HSDL2: variants seen among roughly 807,000 people sequenced by gnomAD.
HSDL2 encodes the protein hydroxysteroid dehydrogenase like 2.
Under a neutral mutation model 46.3 loss-of-function variants are expected in HSDL2, and 27 were observed. The observed-to-expected ratio is 0.58, with a 90% CI of 0.43 to 0.80. The LOEUF is 0.80. Ranked by LOEUF, HSDL2 falls within the 30% of genes least tolerant of loss-of-function variation. The pLI is 0.00. For synonymous variants in HSDL2, 153 were observed against 163.6 expected, an observed-to-expected ratio of 0.94 and a Z score of 0.50; for missense variants, 451 against 502.7, an observed-to-expected ratio of 0.90 and a Z score of 0.98.
intron 1 of HSDL2, among the ~76,000 whole-genome samples, chr9:112,391,277 G>A (rs1831338142): frequency 6.6e-6 from 1 of 151,580 alleles, no homozygotes; most frequent in African/African-American, 2.4e-5. Context: ...ATGAGCCTGG[G>A]CGACATAGCA....
intron 6 of HSDL2, among the ~76,000 whole-genome samples, chr9:112,434,409 A>G (rs892182438): frequency 1.3e-5 from 2 of 152,204 alleles, no homozygotes; most frequent in Admixed American, 6.5e-5. Flanking sequence ...ACAAGGTGGC[A>G]GCTCACCTCC....
chr9:112,390,942 A>C (rs1195359188), intron 1 of HSDL2, among the ~76,000 whole-genome samples: 1 of 152,046 alleles, frequency 6.6e-6, no homozygotes, highest in African/African-American at 2.4e-5. Context: ...TTGGGAGGCC[A>C]AGGTGGGCAG....
chr9:112,454,186 G>C, intron 9 of HSDL2, 24 bp downstream of exon 9: 2 of 1,590,854 alleles, frequency 1.3e-6, no homozygotes, highest in Non-Finnish European at 1.7e-6. Context: ...CTGGTAATCT[G>C]AAGTTTTTAT....
intron 1 of HSDL2, among the ~76,000 whole-genome samples, chr9:112,387,611 T>G (rs1318469698): frequency 6.6e-6 from 1 of 152,226 alleles, no homozygotes; most frequent in African/African-American, 2.4e-5. Flanking sequence ...TAAATGTATT[T>G]GAAAATTCCA....
intron 6 of HSDL2, among the ~76,000 whole-genome samples, chr9:112,420,278 C>T (rs1832088890): frequency 6.6e-6 from 1 of 152,174 alleles, no homozygotes; most frequent in Non-Finnish European, 1.5e-5. Context: ...TGGACCACTG[C>T]ACTCCATCCT....
Position 112,416,895 on chromosome 9 carries a change from T to A in HSDL2, c.450T>A (p.Asn150Lys). 1 of 1,607,738 alleles carries A rather than the reference T, an allele frequency of 6.2e-7. No individual in the cohort carries two copies. The highest frequency in any genetic ancestry group is 8.5e-7 in the Non-Finnish European group (1 of 1,174,346). ...LKKSKVAHIL[N>K]ISPPLNLNPV... ...AGAGCAAAGTTGCTCATATCCTCAA[T>A]ATCAGTCCACCACTGAACCTAAATC... Residue 150 changes from asparagine to lysine, a missense_variant, in exon 5 of 11, where the codon AAT (asparagine) becomes AAA (lysine). Coordinates refer to ENST00000398805, the MANE Select transcript of HSDL2 (RefSeq NM_032303.5).
rs1833564315 is a variant in HSDL2 at position 112,471,104 on chromosome 9, T to C, written c.*560T>C. On this transcript the variant is annotated 3_prime_UTR_variant, in exon 11 of 11. Coordinates refer to ENST00000398805, the MANE Select transcript of HSDL2 (RefSeq NM_032303.5). ...CTAGCTTTCCAGGTGGACTTAGCCA[T>C]AGGAAAATATTACTAATGTAATTTA... is the stretch of plus-strand genomic sequence containing the variant. 6.6e-6 allele frequency: 1 copy of C among 152,234 alleles called. No homozygotes were observed. The allele number at this position is 152,234 out of a possible 1,614,324, so 9.4% of individuals were successfully genotyped here.
intron 3 of HSDL2, among the ~76,000 whole-genome samples, chr9:112,407,027 G>A (rs1384579224): frequency 6.7e-6 from 1 of 148,982 alleles, no homozygotes; most frequent in African/African-American, 2.4e-5. Flanking sequence ...GAATGCTTCA[G>A]TGTTAGCAAG....
chr9:112,430,179 G>A (rs1832354693), intron 6 of HSDL2, among the ~76,000 whole-genome samples: 1 of 152,172 alleles, frequency 6.6e-6, no homozygotes, highest in South Asian at 2.1e-4. Flanking sequence ...TGGCCTTTCT[G>A]AGAAGGTGAC....
At chr9:112,384,681 T>A (rs886165748) in intron 1 of HSDL2, among the ~76,000 whole-genome samples, 1 of 151,416 alleles carries the variant, frequency 6.6e-6, no homozygotes, top group African/African-American at 2.4e-5. Flanking sequence ...GACAGGAGGA[T>A]GTTTATTTAA....
chr9:112,442,465 TTG>T (rs1794832140), intron 8 of HSDL2, among the ~76,000 whole-genome samples: 1 of 152,116 alleles, frequency 6.6e-6, no homozygotes, highest in Admixed American at 6.6e-5. Flanking sequence ...TTTCCACAGT[TTG>T]TGTTATGTGA....
At chr9:112,436,039 C>CCAAA (rs1055710327) in intron 6 of HSDL2, among the ~76,000 whole-genome samples, 2 of 151,620 alleles carry the variant, frequency 1.3e-5, no homozygotes, top group Admixed American at 6.6e-5. Context: ...CTTTGGAAGG[C>CCAAA]CAAGGCAGGA....
At chr9:112,406,484 T>G (rs1258769705) in intron 3 of HSDL2, among the ~76,000 whole-genome samples, 1 of 152,188 alleles carries the variant, frequency 6.6e-6, no homozygotes, top group Non-Finnish European at 1.5e-5. Context: ...TTTTCTTTTT[T>G]TTTGAGACTG....
intron 6 of HSDL2, among the ~76,000 whole-genome samples, chr9:112,435,087 C>T (rs1832493681): frequency 2.0e-5 from 3 of 152,052 alleles, no homozygotes; most frequent in Admixed American, 1.3e-4. Context: ...AGCTTGTTGG[C>T]ATTGCAAAAT....
chr9:112,383,352 T>G (rs1351278868), intron 1 of HSDL2, among the ~76,000 whole-genome samples: 2 of 152,150 alleles, frequency 1.3e-5, no homozygotes, highest in Admixed American at 1.3e-4. Flanking sequence ...GGATTACAGG[T>G]GTGAGCCACC....
chr9:112,444,834 GTTTT>G, intron 8 of HSDL2, among the ~76,000 whole-genome samples: 3 of 79,646 alleles, frequency 3.8e-5, no homozygotes, highest in Non-Finnish European at 6.8e-5. Context: ...ACTCAGTCTT[GTTTT>G]TTTTTTTTTT....
intron 6 of HSDL2, among the ~76,000 whole-genome samples, chr9:112,429,246 T>A (rs1037461072): frequency 1.3e-5 from 2 of 152,194 alleles, no homozygotes; most frequent in East Asian, 3.8e-4. Context: ...CATTCTTACA[T>A]GCCAGGCACA....
chr9:112,441,668 T>G (rs1260642409), intron 7 of HSDL2, 31 bp from the exon 8 acceptor site: 2 of 1,465,336 alleles, frequency 1.4e-6, no homozygotes, highest in Non-Finnish European at 9.6e-7. Context: ...TGTAGTTACA[T>G]TAACCTAATG....
At chr9:112,456,196 A>C (rs1372905764) in intron 9 of HSDL2, among the ~76,000 whole-genome samples, 1 of 152,178 alleles carries the variant, frequency 6.6e-6, no homozygotes, top group East Asian at 1.9e-4. Flanking sequence ...CTAACTTTAA[A>C]ACAGAACCCA....
Sources: gnomAD v4.1 joint callset for allele counts (sites outside exome capture counted in the v4.1 genomes callset) on GRCh38, gnomAD v4.1.1 for gene constraint, MANE v1.5 for transcripts, NCBI Gene and HGNC (gene_info 2026-07-23, HGNC 2026-07-21) for gene names.